The following TSHZ2 variants were observed in gnomAD, a reference collection of about 807,000 sequenced individuals.
TSHZ2 encodes teashirt zinc finger homeobox 2.
A neutral mutation model predicts 74.4 loss-of-function variants in TSHZ2; 21 were observed. The ratio of observed to expected loss-of-function variants is 0.28; its 90% CI spans 0.20 to 0.41. The LOEUF is 0.41. TSHZ2 is among the 10% of genes least tolerant of loss of function. The pLI, the probability that TSHZ2 is intolerant of heterozygous loss-of-function variation, is 1.00. For missense variants in TSHZ2, 1,244 were observed against 1,293.5 expected (o/e 0.96, Z 0.59); for synonymous variants, 540 against 515.3 (o/e 1.05, Z -0.65).
At position 53,487,929 on chromosome 20, in the gene TSHZ2, A is replaced by G. The variant is rs1428039831; in HGVS notation, c.*794A>G. 6.6e-6 allele frequency: 1 copy of G among 152,204 alleles called. No homozygotes were observed. Among genetic ancestry groups the G allele is most frequent in the Non-Finnish European group, 1.5e-5 (1 of 68,046 alleles). 9.4% of individuals were successfully genotyped at this position (152,204 alleles called of 1,614,324 possible). ...GAAAAAAAAATAGTTTTAAGCACAC[A>G]CCACTGTCTATGAGAACTGCAAATT... On this transcript the variant is annotated 3_prime_UTR_variant, in exon 3 of 3. Coordinates refer to ENST00000371497, the MANE Select transcript of TSHZ2 (RefSeq NM_173485.6).
intron 2 of TSHZ2, among the ~76,000 whole-genome samples, chr20:53,448,368 A>G (rs1217176928): frequency 6.6e-6 from 1 of 152,210 alleles, no homozygotes; most frequent in Admixed American, 6.5e-5. Context: ...ATCATGATGA[A>G]TGAGGTGTCT....
chr20:53,324,895 C>A (rs1979428983), intron 2 of TSHZ2, among the ~76,000 whole-genome samples: 1 of 152,220 alleles, frequency 6.6e-6, no homozygotes, highest in Non-Finnish European at 1.5e-5. Context: ...TTGTGCTCAA[C>A]AAAATTGGCT....
intron 1 of TSHZ2, among the ~76,000 whole-genome samples, chr20:53,125,333 G>C (rs1050266790): frequency 1.3e-5 from 2 of 152,162 alleles, no homozygotes; most frequent in Admixed American, 6.5e-5. Context: ...TACCCGCTGA[G>C]TGGCCTTGGG....
At chr20:53,064,802 A>G (rs1173003693) in intron 1 of TSHZ2, among the ~76,000 whole-genome samples, 1 of 152,164 alleles carries the variant, frequency 6.6e-6, no homozygotes, top group African/African-American at 2.4e-5. Flanking sequence ...CTATGTGTGG[A>G]TATCTGGACT....
chr20:53,362,241 G>A (rs1263959207), intron 2 of TSHZ2, among the ~76,000 whole-genome samples: 7 of 148,214 alleles, frequency 4.7e-5, no homozygotes, highest in Non-Finnish European at 1.5e-5. Flanking sequence ...CCGGAGCGCA[G>A]TGGCAGGATC....
chr20:53,455,962 G>C (rs953105672), intron 2 of TSHZ2, among the ~76,000 whole-genome samples: 1 of 151,530 alleles, frequency 6.6e-6, no homozygotes, highest in Non-Finnish European at 1.5e-5. Flanking sequence ...GTCTATCATT[G>C]TTGGACATTT....
chr20:53,358,144 G>A (rs186207030), intron 2 of TSHZ2, among the ~76,000 whole-genome samples: 2 of 151,990 alleles, frequency 1.3e-5, no homozygotes, highest in Non-Finnish European at 2.9e-5. Flanking sequence ...CAAAAGCAAG[G>A]ATTTTCTCAT....
At chr20:53,461,864 A>C (rs1985384063) in intron 2 of TSHZ2, among the ~76,000 whole-genome samples, 1 of 152,102 alleles carries the variant, frequency 6.6e-6, no homozygotes, top group South Asian at 2.1e-4. Context: ...AATTTCCAAC[A>C]AACTCTTTTT....
rs556480471 is a variant in TSHZ2, at chr20:53,145,871, T to A, written c.41-107628T>A. On this transcript the variant is annotated intron_variant, in intron 1 of 2. Transcript: ENST00000371497. Reference sequence around the variant, plus strand: ...AGCATGGATAATTGTGGCCCTTGCCTCCTAGCACAGTTGTAATGACTGAAT... The same window carrying A: ...AGCATGGATAATTGTGGCCCTTGCCACCTAGCACAGTTGTAATGACTGAAT... 4.6e-5 allele frequency among the ~76,000 whole-genome samples: 7 copies of A among 152,284 alleles called. No homozygotes were observed. The South Asian group carries it at 1.4e-3, about 32-fold the overall frequency.
intron 1 of TSHZ2, among the ~76,000 whole-genome samples, chr20:53,223,989 TCTA>T (rs1051856459): frequency 6.6e-6 from 1 of 152,096 alleles, no homozygotes; most frequent in Admixed American, 6.6e-5. Flanking sequence ...CATATCAACA[TCTA>T]CTTCTTGGGG....
At chr20:52,979,789 A>G (rs1288899405) in intron 1 of TSHZ2, among the ~76,000 whole-genome samples, 1 of 152,220 alleles carries the variant, frequency 6.6e-6, no homozygotes, top group East Asian at 1.9e-4. Context: ...AAAATTCAGG[A>G]GGCACAGCAA....
At chr20:53,266,688 G>C (rs2250513) in intron 2 of TSHZ2, among the ~76,000 whole-genome samples, 49,566 of 151,728 alleles carry the variant, frequency 0.33, 8,369 homozygotes, top group East Asian at 0.44. Flanking sequence ...CCCTATACAA[G>C]GCTCTAGGGA....
chr20:53,166,998 G>A (rs1270092475), intron 1 of TSHZ2, among the ~76,000 whole-genome samples: 1 of 152,178 alleles, frequency 6.6e-6, no homozygotes, highest in Non-Finnish European at 1.5e-5. Context: ...GTCAGAGGAA[G>A]GTGACATATA....
rs73133869 is a variant in TSHZ2 at position 53,385,108 on chromosome 20, A to G, written c.*9-102036A>G. On this transcript the variant is annotated intron_variant, in intron 2 of 2. Coordinates refer to ENST00000371497, the MANE Select transcript of TSHZ2 (RefSeq NM_173485.6). ...TGCATTCCAGCCTGGGGACAGGGCA[A>G]GACTCCGTCTCAAAAAATAAAAATT... is the stretch of plus-strand genomic sequence containing the variant. Among the ~76,000 whole-genome samples, 902 of 152,316 alleles carry G rather than the reference A, an allele frequency of 5.9e-3. 7 individuals are homozygous for G. Among genetic ancestry groups the G allele is most frequent in the Non-Finnish European group, 9.8e-3 (666 of 68,022 alleles).
At chr20:52,976,487 C>T (rs1414950345) in intron 1 of TSHZ2, among the ~76,000 whole-genome samples, 2 of 152,176 alleles carry the variant, frequency 1.3e-5, no homozygotes, top group African/African-American at 4.8e-5. Context: ...GAAAATATTG[C>T]AGGATTCAGT....
intron 1 of TSHZ2, among the ~76,000 whole-genome samples, chr20:53,038,908 G>GTTTGTTTGTTTT (rs146845423): frequency 4.5e-4 from 67 of 148,094 alleles, no homozygotes; most frequent in South Asian, 1.3e-3. Context: ...TTGTTTGTTT[G>GTTTGTTTGTTTT]TTTTTGAGAT....
intron 1 of TSHZ2, among the ~76,000 whole-genome samples, chr20:53,182,240 C>CCTT (rs1252484681): frequency 6.7e-6 from 1 of 150,370 alleles, no homozygotes. Context: ...CTCCCTCCTT[C>CCTT]CTTCCTTCTA....
At chr20:53,366,363 G>A (rs576296199) in intron 2 of TSHZ2, among the ~76,000 whole-genome samples, 10 of 152,276 alleles carry the variant, frequency 6.6e-5, no homozygotes, top group South Asian at 2.1e-4. Flanking sequence ...TCCACCTATC[G>A]TAAAAGTTAG....
intron 1 of TSHZ2, among the ~76,000 whole-genome samples, chr20:53,159,566 A>G (rs778882003): frequency 6.6e-6 from 1 of 152,218 alleles, no homozygotes; most frequent in Non-Finnish European, 1.5e-5. Context: ...GAACACACAT[A>G]ATGTCTATTC....
Sources: gnomAD v4.1 joint callset for allele counts (sites outside exome capture counted in the v4.1 genomes callset) on GRCh38, gnomAD v4.1.1 for gene constraint, MANE v1.5 for transcripts, NCBI Gene and HGNC (gene_info 2026-07-23, HGNC 2026-07-21) for gene names.